Variants in SLC9A9 observed in about 807,000 individuals in gnomAD.
SLC9A9 encodes the protein solute carrier family 9 member A9, also known as sodium/hydrogen exchanger 9.
Under a neutral mutation model 77.8 loss-of-function variants are expected in SLC9A9, and 62 were observed. That is an observed-to-expected ratio of 0.80 (90% CI 0.65 to 0.98). SLC9A9 has a LOEUF of 0.98. Among genes scored for constraint, SLC9A9 ranks in the 50% least tolerant of loss-of-function variants. The pLI, the probability that SLC9A9 is intolerant of heterozygous loss-of-function variation, is 0.00. For synonymous variants in SLC9A9, 320 were observed against 283.5 expected (o/e 1.13, Z -1.29); for missense variants, 775 against 774.9 (o/e 1.00, Z 0.00).
chr3:143,723,691 T>C (rs945094785), intron 4 of SLC9A9, among the ~76,000 whole-genome samples: 1 of 152,190 alleles, frequency 6.6e-6, no homozygotes, highest in Non-Finnish European at 1.5e-5. Context: ...CCTTTTATAA[T>C]ACAAAGAACT....
intron 4 of SLC9A9, among the ~76,000 whole-genome samples, chr3:143,733,919 G>C (rs1934873407): frequency 6.6e-6 from 1 of 152,108 alleles, no homozygotes; most frequent in South Asian, 2.1e-4. Context: ...CCTTGAGACT[G>C]GGCACAGTGG....
chr3:143,680,753 G>A (rs1031173745), intron 5 of SLC9A9, among the ~76,000 whole-genome samples: 6 of 152,088 alleles, frequency 3.9e-5, no homozygotes, highest in African/African-American at 1.4e-4. Context: ...TTTATGTGAT[G>A]TTTTATTTTC....
chr3:143,473,381 T>C (rs751447684), intron 11 of SLC9A9, among the ~76,000 whole-genome samples: 1 of 152,188 alleles, frequency 6.6e-6, no homozygotes, highest in Non-Finnish European at 1.5e-5. Context: ...CACCCTACTT[T>C]TCCTGTTTAC....
Position 143,266,877 on chromosome 3 carries a change from G to A in SLC9A9, c.1763C>T (p.Ala588Val). The change falls in exon 16 of 16, where the codon GCC becomes GTC. Residue 588 changes from alanine (A) to valine (V), a missense_variant. By Grantham distance (64) the Ala-to-Val change is moderately conservative (BLOSUM62 0). Coordinates refer to ENST00000316549, the MANE Select transcript of SLC9A9 (RefSeq NM_173653.4). ...GGAGGCTTGCTCCTGGTAATTTATG[G>A]CTAGTTCATCCTGGTTTACAATGCA... ...VECIVNQDEL[A>V]INYQEQASSP... 6.2e-7 allele frequency: 1 copy of A among 1,614,128 alleles called. No individual in the cohort carries two copies. Among genetic ancestry groups the A allele is most frequent in the South Asian group, 1.1e-5 (1 of 91,078 alleles).
intron 4 of SLC9A9, among the ~76,000 whole-genome samples, chr3:143,720,245 A>T (rs1433468496): frequency 1.4e-5 from 2 of 144,452 alleles, no homozygotes; most frequent in African/African-American, 5.0e-5. Context: ...TATTTTATAT[A>T]TATATATTTT....
intron 9 of SLC9A9, among the ~76,000 whole-genome samples, chr3:143,542,861 A>T (rs552187984): frequency 2.0e-5 from 3 of 152,226 alleles, no homozygotes; most frequent in Non-Finnish European, 4.4e-5. Context: ...AACTTTTCAT[A>T]TAGACCACAA....
Position 143,266,511 on chromosome 3 carries a change from A to C in SLC9A9, c.*191T>G, listed in dbSNP as rs976252829. 2 of 650,226 alleles carry C rather than the reference A, an allele frequency of 3.1e-6. No individual in the cohort carries two copies. Among genetic ancestry groups the C allele is most frequent in the Non-Finnish European group, 5.4e-6 (2 of 373,366 alleles). 40.3% of individuals were successfully genotyped at this position (650,226 alleles called of 1,614,324 possible). ...CTGTCAAAAAACTAAATTCATTTGC[A>C]TAATAGAGAGGGATAATAAAATCTC... On this transcript the variant is annotated 3_prime_UTR_variant, in exon 16 of 16. Coordinates refer to ENST00000316549, the MANE Select transcript of SLC9A9 (RefSeq NM_173653.4).
At chr3:143,450,689 T>C (rs547200608) in intron 12 of SLC9A9, among the ~76,000 whole-genome samples, 1 of 152,322 alleles carries the variant, frequency 6.6e-6, no homozygotes, top group African/African-American at 2.4e-5. Flanking sequence ...ACAAAAGTGC[T>C]ATACAAAATT....
At chr3:143,584,285 G>A (rs1180033049) in intron 6 of SLC9A9, among the ~76,000 whole-genome samples, 3 of 152,044 alleles carry the variant, frequency 2.0e-5, no homozygotes, top group African/African-American at 7.2e-5. Context: ...AAACTACCCA[G>A]CCACCTCAAG....
chr3:143,824,562 T>G (rs998891911), intron 2 of SLC9A9, among the ~76,000 whole-genome samples: 1 of 152,212 alleles, frequency 6.6e-6, no homozygotes, highest in African/African-American at 2.4e-5. Flanking sequence ...TACAAATGCT[T>G]GTGCTGAACT....
chr3:143,365,750 C>A (rs1330280199), intron 13 of SLC9A9, among the ~76,000 whole-genome samples: 2 of 152,202 alleles, frequency 1.3e-5, no homozygotes, highest in Non-Finnish European at 2.9e-5. Context: ...GCAAAGGTAT[C>A]AGATTTGCAA....
At chr3:143,510,810 TGTTA>T (rs1489087517) in intron 9 of SLC9A9, among the ~76,000 whole-genome samples, 1 of 152,166 alleles carries the variant, frequency 6.6e-6, no homozygotes, top group Non-Finnish European at 1.5e-5. Context: ...GGGTCAAACT[TGTTA>T]GGCAAGGTGT....
intron 14 of SLC9A9, among the ~76,000 whole-genome samples, chr3:143,308,369 G>A (rs1305707260): frequency 6.6e-6 from 1 of 152,228 alleles, no homozygotes; most frequent in South Asian, 2.1e-4. Flanking sequence ...GAGGCCAGGA[G>A]ATCGAGACCA....
At position 143,721,382 on chromosome 3, in the gene SLC9A9, G is replaced by A. The variant is rs576091157; in HGVS notation, c.534-28075C>T. Reference sequence around the variant, plus strand: ...CCCCTCATGTGGGCAGACAGGAGGAGTTCAACTGGGACTTCCATTTCTTCA... The same window carrying A: ...CCCCTCATGTGGGCAGACAGGAGGAATTCAACTGGGACTTCCATTTCTTCA... On this transcript the variant is annotated intron_variant, in intron 4 of 15. Transcript: ENST00000316549. 3.3e-5 allele frequency among the ~76,000 whole-genome samples: 5 copies of A among 151,806 alleles called. No homozygotes were observed. The South Asian group carries it at 1.0e-3, about 32-fold the overall frequency.
At chr3:143,651,941 T>A (rs1205123821) in intron 6 of SLC9A9, among the ~76,000 whole-genome samples, 2 of 151,768 alleles carry the variant, frequency 1.3e-5, no homozygotes, top group African/African-American at 4.9e-5. Flanking sequence ...AAAAATTAAA[T>A]GATATTGATT....
chr3:143,505,556 C>T (rs2035999827), intron 9 of SLC9A9, among the ~76,000 whole-genome samples: 1 of 152,152 alleles, frequency 6.6e-6, no homozygotes, highest in Non-Finnish European at 1.5e-5. Context: ...CAGAGAGCTG[C>T]TCTTTATCAT....
intron 9 of SLC9A9, chr3:143,517,964 A>G: frequency 6.8e-7 from 1 of 1,460,476 alleles, no homozygotes; most frequent in Non-Finnish European, 9.5e-7. Context: ...GTCTGGTTCA[A>G]TCACACCTTC....
At chr3:143,315,152 G>A (rs183846975) in intron 14 of SLC9A9, among the ~76,000 whole-genome samples, 7 of 152,276 alleles carry the variant, frequency 4.6e-5, no homozygotes, top group Non-Finnish European at 7.4e-5. Context: ...ACCAAACAAA[G>A]AACATCAGTT....
At chr3:143,448,057 GACT>G (rs2034876882) in intron 12 of SLC9A9, among the ~76,000 whole-genome samples, 1 of 152,154 alleles carries the variant, frequency 6.6e-6, no homozygotes, top group South Asian at 2.1e-4. Flanking sequence ...CATCCCGTGG[GACT>G]AAGTGTCCCA....
Sources: gnomAD v4.1 joint callset for allele counts (sites outside exome capture counted in the v4.1 genomes callset) on GRCh38, gnomAD v4.1.1 for gene constraint, MANE v1.5 for transcripts, NCBI Gene and HGNC (gene_info 2026-07-23, HGNC 2026-07-21) for gene names.